Variants in MAEL observed in about 807,000 individuals in gnomAD.
The protein encoded by MAEL is protein maelstrom homolog.
In MAEL, 46 loss-of-function variants were observed where a neutral mutation model predicts 62.0. The ratio of observed to expected loss-of-function variants is 0.74; its 90% CI spans 0.59 to 0.95. The LOEUF (loss-of-function observed/expected upper bound fraction) is 0.95, where lower values mean the gene tolerates loss of function less well. Ranked by LOEUF, MAEL falls within the 40% of genes least tolerant of loss-of-function variation. MAEL has a pLI of 0.00. For missense variants in MAEL, 497 were observed against 526.8 expected (o/e 0.94, Z 0.55); for synonymous variants, 172 against 175.5 (o/e 0.98, Z 0.16).
At chr1:167,005,463 G>A in intron 8 of MAEL, 66 bp downstream of exon 8, 1 of 1,430,436 alleles carries the variant, frequency 7.0e-7, no homozygotes, top group Non-Finnish European at 9.4e-7. Flanking sequence ...AATATGGTAG[G>A]ACTATTTTTG....
chr1:166,994,010 A>G lies in MAEL; in HGVS notation c.482-18A>G, dbSNP rs1172025139. 2 of 1,610,646 alleles carry G rather than the reference A, an allele frequency of 1.2e-6. No individual in the cohort carries two copies. The highest frequency in any genetic ancestry group is 3.3e-5 in the Admixed American group (2 of 59,738). On this transcript the variant is annotated intron_variant, in intron 4 of 11. Coordinates refer to ENST00000367872, the MANE Select transcript of MAEL (RefSeq NM_032858.3). ...ACTTTAAAATTTTTGCTTCTCAACA[A>G]GATATTTTGTATTATAGGTGAAATT...
In MAEL at chr1:167,021,846, C is replaced by T. The variant is rs766596737; in HGVS notation, c.1296C>T (p.Ser432=). 2 of 1,603,872 alleles carry T rather than the reference C, an allele frequency of 1.2e-6. No homozygotes were observed. Among genetic ancestry groups the T allele is most frequent in the African/African-American group, 2.7e-5 (2 of 74,582 alleles). The stretch of plus-strand genomic sequence containing the variant: ...AAGATGGATACAAATCTTTCTCTTC[C>T]TTATCTTAATGATGGTACTCTTTTC... ...SQKDGYKSFS[S]LS The change falls in exon 12 of 12, where the codon TCC becomes TCT. Residue 432 remains serine (S), a synonymous_variant. Coordinates refer to ENST00000367872, the MANE Select transcript of MAEL (RefSeq NM_032858.3).
chr1:166,982,200 G>T (rs1233368550), intron 1 of MAEL, among the ~76,000 whole-genome samples: 3 of 152,184 alleles, frequency 2.0e-5, no homozygotes, highest in Non-Finnish European at 2.9e-5. Flanking sequence ...ATGGTACTCA[G>T]AAATTTATCA....
Position 167,001,937 on chromosome 1 carries a change from C to T in MAEL, c.524-2243C>T, listed in dbSNP as rs773827403. Among the ~76,000 whole-genome samples, 42 of 152,132 alleles carry T rather than the reference C, an allele frequency of 2.8e-4. 1 individual carries two copies. Among genetic ancestry groups the T allele is most frequent in the Non-Finnish European group, 2.5e-4 (17 of 68,032 alleles). On this transcript the variant is annotated intron_variant, in intron 5 of 11. Coordinates refer to ENST00000367872, the MANE Select transcript of MAEL (RefSeq NM_032858.3). ...GCTGGAATTATAGGTGCACGTCACA[C>T]GCCCAGCTAATTTTTGTATTTTTAT... is the stretch of plus-strand genomic sequence containing the variant.
chr1:167,009,844 C>CT (rs1407710353), intron 8 of MAEL, among the ~76,000 whole-genome samples: 1 of 151,598 alleles, frequency 6.6e-6, no homozygotes, highest in Non-Finnish European at 1.5e-5. Context: ...ATGTTTTTGT[C>CT]TTTTTTTTCC....
chr1:167,018,087 A>G, intron 10 of MAEL, 128 bp downstream of exon 10: 1 of 799,406 alleles, frequency 1.3e-6, no homozygotes, highest in Non-Finnish European at 1.9e-6. Flanking sequence ...ATTTTGAAGT[A>G]CTTCATGGAA....
intron 10 of MAEL, among the ~76,000 whole-genome samples, chr1:167,020,026 C>G (rs1056694670): frequency 3.0e-4 from 46 of 152,134 alleles, no homozygotes; most frequent in African/African-American, 9.7e-4. Flanking sequence ...TCAAACATCC[C>G]CCTCTCAGAC....
chr1:166,995,546 CCTT>C (rs751886659), intron 5 of MAEL, among the ~76,000 whole-genome samples: 20 of 151,976 alleles, frequency 1.3e-4, no homozygotes, highest in Non-Finnish European at 2.8e-4. Flanking sequence ...GGCAGTAGTT[CCTT>C]CTTATATAGC....
At chr1:167,002,446 T>C (rs1364255794) in intron 5 of MAEL, among the ~76,000 whole-genome samples, 1 of 152,232 alleles carries the variant, frequency 6.6e-6, no homozygotes, top group African/African-American at 2.4e-5. Flanking sequence ...CTGTTGGTTA[T>C]GGTGATGTTC....
Position 166,989,358 on chromosome 1 carries a change from G to A in MAEL, c.6G>A (p.Pro2=). 2 of 1,609,684 alleles carry A rather than the reference G, an allele frequency of 1.2e-6. No individual in the cohort carries two copies. Among genetic ancestry groups the A allele is most frequent in the South Asian group, 1.1e-5 (1 of 89,978 alleles). Residue 2 remains proline, a synonymous_variant, in exon 1 of 12, where the codon CCG becomes CCA. Transcript: ENST00000367872. ...GGAAGTTTGACCGCGCTGCCATGCC[G>A]AACCGTAAGGCCAGCCGGAATGCTT... M[P]NRKASRNAYY...
intron 1 of MAEL, among the ~76,000 whole-genome samples, chr1:166,982,414 AG>A (rs540402817): frequency 1.2e-4 from 18 of 152,312 alleles, no homozygotes; most frequent in Middle Eastern, 6.8e-3. Flanking sequence ...GTTGTTGTGA[AG>A]GGGAGATAAG....
At chr1:167,003,514 C>G (rs1371012244) in intron 5 of MAEL, among the ~76,000 whole-genome samples, 2 of 152,090 alleles carry the variant, frequency 1.3e-5, no homozygotes, top group African/African-American at 4.8e-5. Flanking sequence ...CTTAAGATAC[C>G]TGGGGGCCTA....
chr1:167,021,559 A>T, intron 11 of MAEL, 109 bp from the exon 12 acceptor site: 2 of 724,422 alleles, frequency 2.8e-6, no homozygotes, highest in Non-Finnish European at 4.3e-6. Flanking sequence ...CTGTTGAATT[A>T]TGGCTTAGTG....
chr1:166,985,470 T>C (rs1053344604), upstream of MAEL, among the ~76,000 whole-genome samples: 2 of 152,188 alleles, frequency 1.3e-5, no homozygotes, highest in African/African-American at 4.8e-5. Flanking sequence ...GGAATTCACA[T>C]AGGACTAGAA....
upstream of MAEL, among the ~76,000 whole-genome samples, chr1:166,986,945 C>CATGTGT (rs746515821): frequency 2.1e-4 from 31 of 147,124 alleles, no homozygotes; most frequent in Admixed American, 4.8e-4. Context: ...AGGAAGGGGA[C>CATGTGT]GTGTGTGTGT....
At chr1:166,993,050 C>T (rs1023567707) in intron 4 of MAEL, among the ~76,000 whole-genome samples, 1 of 152,070 alleles carries the variant, frequency 6.6e-6, no homozygotes, top group Non-Finnish European at 1.5e-5. Flanking sequence ...CTCAAGTTAC[C>T]ATTAAAATCA....
chr1:166,994,380 G>C (rs1373575091), intron 5 of MAEL, among the ~76,000 whole-genome samples: 3 of 152,126 alleles, frequency 2.0e-5, no homozygotes, highest in Non-Finnish European at 4.4e-5. Context: ...CTAGATTTAG[G>C]ACTGTTTTCA....
chr1:166,989,471 C>G lies in MAEL; in HGVS notation c.119C>G (p.Ser40Cys). ...GTTGCTGATGCCATCCCTTACTGCT[C>G]CTCAGACTGGGCGGTAAGGCTGGAG... ...ARVADAIPYC[S>C]SDWALLREEE... The change falls in exon 1 of 12, where the codon TCC becomes TGC. Residue 40 changes from serine (S) to cysteine (C), a missense_variant. Physicochemically the swap from Ser to Cys is moderately radical, Grantham distance 112. Transcript: ENST00000367872. 6.3e-7 allele frequency: 1 copy of G among 1,586,894 alleles called. No individual in the cohort carries two copies. The highest frequency in any genetic ancestry group is 8.6e-7 in the Non-Finnish European group (1 of 1,166,690).
At position 166,991,472 on chromosome 1, in the gene MAEL, A is replaced by G; in HGVS notation, c.320A>G (p.Asp107Gly). 6.3e-7 allele frequency: 1 copy of G among 1,596,988 alleles called. No individual in the cohort carries two copies. The highest frequency in any genetic ancestry group is 8.6e-7 in the Non-Finnish European group (1 of 1,164,772). Residue 107 changes from aspartate to glycine, a missense_variant, in exon 3 of 12, where the codon GAT becomes GGT. By Grantham distance (94) the Asp-to-Gly change is moderately conservative (BLOSUM62 -1). Coordinates refer to ENST00000367872, the MANE Select transcript of MAEL (RefSeq NM_032858.3). ...PDMSALSLKG[D>G]QALLGGIFYF... ...ATGTCAGCTTTGTCTTTAAAAGGTG[A>G]TCAAGGTAGAGTAATCCTGAAATAT...
Sources: allele counts gnomAD v4.1 joint callset (sites outside exome capture counted in the v4.1 genomes callset), GRCh38; gene constraint gnomAD v4.1.1; transcripts MANE v1.5; gene names NCBI Gene and HGNC (gene_info 2026-07-23, HGNC 2026-07-21).